PDK1: variants seen among roughly 807,000 people sequenced by gnomAD.
The protein encoded by PDK1 is [Pyruvate dehydrogenase (acetyl-transferring)] kinase isozyme 1, mitochondrial.
In PDK1, 39 loss-of-function variants were observed where a neutral mutation model predicts 54.2. The ratio of observed to expected loss-of-function variants is 0.72; its 90% CI spans 0.56 to 0.94. The LOEUF is 0.94. Among genes scored for constraint, PDK1 ranks in the 40% least tolerant of loss-of-function variants. The pLI, the probability that PDK1 is intolerant of heterozygous loss-of-function variation, is 0.00. For missense variants in PDK1, 552 were observed against 566.0 expected, an observed-to-expected ratio of 0.98 and a Z score of 0.25; for synonymous variants, 221 against 207.1, an observed-to-expected ratio of 1.07 and a Z score of -0.58.
intron 9 of PDK1, among the ~76,000 whole-genome samples, chr2:172,591,584 C>T (rs899424739): frequency 2.0e-5 from 3 of 152,120 alleles, no homozygotes; most frequent in South Asian, 4.1e-4. Context: ...CTGGCTGTTC[C>T]GGTTCCTGTA....
the PDK1 span, among the ~76,000 whole-genome samples, chr2:172,620,505 C>T: frequency 5.9e-5 from 9 of 152,058 alleles, no homozygotes; most frequent in Admixed American, 1.3e-4. Context: ...AAATGAGACC[C>T]GTCATCCTAT....
chr2:172,556,068 C>A, upstream of PDK1: 1 of 1,082,468 alleles, frequency 9.2e-7, no homozygotes, highest in Non-Finnish European at 1.2e-6. Flanking sequence ...GCCCCTGCTG[C>A]CCGCCACGTC....
the PDK1 span, among the ~76,000 whole-genome samples, chr2:172,695,494 G>C: frequency 1.3e-5 from 2 of 152,292 alleles, no homozygotes; most frequent in African/African-American, 4.8e-5. Context: ...GTGGTGGACA[G>C]ACTCTAAACT....
intron 8 of PDK1, among the ~76,000 whole-genome samples, chr2:172,573,551 G>T (rs1689407040): frequency 6.7e-6 from 1 of 150,322 alleles, no homozygotes; most frequent in African/African-American, 2.5e-5. Context: ...ATACATATGT[G>T]TATATATACG....
intron 9 of PDK1, among the ~76,000 whole-genome samples, chr2:172,587,374 TC>T (rs965143038): frequency 1.3e-5 from 2 of 151,996 alleles, no homozygotes; most frequent in African/African-American, 4.8e-5. Context: ...AGTTGTTTGT[TC>T]CTCTCAGTGG....
intron 8 of PDK1, among the ~76,000 whole-genome samples, chr2:172,577,779 G>T (rs920389628): frequency 6.6e-6 from 1 of 151,788 alleles, no homozygotes; most frequent in African/African-American, 2.4e-5. Flanking sequence ...TTTGTACATT[G>T]TGTGCCTGTC....
At chr2:172,700,489 G>A in the PDK1 span, among the ~76,000 whole-genome samples, 1 of 151,098 alleles carries the variant, frequency 6.6e-6, no homozygotes, top group African/African-American at 2.4e-5. Context: ...ACAGGATGAC[G>A]GCCGGGAAGA....
chr2:172,583,118 G>A (rs1574508254), intron 8 of PDK1, among the ~76,000 whole-genome samples: 3 of 151,922 alleles, frequency 2.0e-5, no homozygotes, highest in African/African-American at 7.3e-5. Flanking sequence ...TCCTATTCAT[G>A]TTAACTAGCA....
rs1691326818 is a variant in PDK1 at position 172,607,232 on chromosome 2, A to G, written c.*11263A>G. 1 of 152,222 alleles carries G rather than the reference A, an allele frequency of 6.6e-6. No individual in the cohort carries two copies. The highest frequency in any genetic ancestry group is 1.5e-5 in the Non-Finnish European group (1 of 68,032). 9.4% of individuals were successfully genotyped at this position (152,222 alleles called of 1,614,324 possible). On this transcript the variant is annotated 3_prime_UTR_variant, in exon 11 of 11. Transcript: ENST00000282077. ...CTTGAACCTAGGCGTTCCAGGCTGC[A>G]GTGAGCTATGATTGTGCTGCTGCAC... is the stretch of plus-strand genomic sequence containing the variant.
the PDK1 span, among the ~76,000 whole-genome samples, chr2:172,627,508 G>A: frequency 3.3e-5 from 5 of 152,146 alleles, no homozygotes; most frequent in Non-Finnish European, 7.3e-5. Context: ...TATCAAGAAA[G>A]CCATACATAG....
At chr2:172,572,599 G>A (rs186975725) in intron 8 of PDK1, among the ~76,000 whole-genome samples, 5 of 152,182 alleles carry the variant, frequency 3.3e-5, no homozygotes, top group Admixed American at 6.5e-5. Context: ...GGTGGCAGGC[G>A]CCTGTAATCC....
At chr2:172,627,301 T>C in the PDK1 span, among the ~76,000 whole-genome samples, 7 of 152,248 alleles carry the variant, frequency 4.6e-5, no homozygotes, top group African/African-American at 1.4e-4. Flanking sequence ...TAAAGCATTA[T>C]GTTCGTCAGG....
chr2:172,650,204 A>G, the PDK1 span, among the ~76,000 whole-genome samples: 2 of 152,224 alleles, frequency 1.3e-5, no homozygotes, highest in Admixed American at 1.3e-4. Context: ...AAAGAAAAGA[A>G]TTTTCAACCC....
At chr2:172,660,395 T>C in the PDK1 span, among the ~76,000 whole-genome samples, 1 of 151,556 alleles carries the variant, frequency 6.6e-6, no homozygotes, top group Non-Finnish European at 1.5e-5. Context: ...TAGCTGGGAC[T>C]GCAGGTGCAC....
chr2:172,609,830 T>G (rs944016431), downstream of PDK1, among the ~76,000 whole-genome samples: 3 of 152,150 alleles, frequency 2.0e-5, no homozygotes, highest in African/African-American at 7.2e-5. Context: ...TTTTTTGTTT[T>G]GTTTTGTTTT....
chr2:172,703,828 A>G, the PDK1 span, among the ~76,000 whole-genome samples: 26,401 of 132,356 alleles, frequency 0.2, 2,924 homozygotes, highest in African/African-American at 0.34. Flanking sequence ...GCTGGCATGC[A>G]GTTGTGCGAT....
At chr2:172,624,724 C>T in the PDK1 span, among the ~76,000 whole-genome samples, 6 of 152,126 alleles carry the variant, frequency 3.9e-5, no homozygotes, top group Admixed American at 1.3e-4. Context: ...CAGGGCCAGA[C>T]GTGGTGGCTC....
At chr2:172,652,790 A>G in the PDK1 span, among the ~76,000 whole-genome samples, 24 of 152,212 alleles carry the variant, frequency 1.6e-4, no homozygotes, top group Non-Finnish European at 2.6e-4. Context: ...TTCAAGGAGA[A>G]CTACAAACCA....
the PDK1 span, among the ~76,000 whole-genome samples, chr2:172,624,323 C>A: frequency 6.6e-6 from 1 of 152,184 alleles, no homozygotes; most frequent in Admixed American, 6.5e-5. Context: ...AACCCGGCTG[C>A]ACAGCAGGAG....
Sources: allele counts gnomAD v4.1 joint callset (sites outside exome capture counted in the v4.1 genomes callset), GRCh38; gene constraint gnomAD v4.1.1; transcripts MANE v1.5; gene names NCBI Gene and HGNC (gene_info 2026-07-23, HGNC 2026-07-21).